The following EYA4 variants were observed in gnomAD, a reference collection of about 807,000 sequenced individuals.
EYA4 encodes the protein protein phosphatase EYA4.
In EYA4, 31 loss-of-function variants were observed where a neutral mutation model predicts 87.9. That is an observed-to-expected ratio of 0.35 (90% confidence interval 0.27 to 0.48). EYA4 has a LOEUF of 0.48. Ranked by LOEUF, EYA4 falls within the 20% of genes least tolerant of loss-of-function variation. The pLI is 0.99. For synonymous variants in EYA4, 263 were observed against 270.6 expected (o/e 0.97, Z 0.28); for missense variants, 678 against 761.4 (o/e 0.89, Z 1.29).
At chr6:133,408,051 A>G (rs776699114) in intron 3 of EYA4, among the ~76,000 whole-genome samples, 1 of 152,254 alleles carries the variant, frequency 6.6e-6, no homozygotes, top group Admixed American at 6.5e-5. Flanking sequence ...TTCCTGAACT[A>G]TAATACATAT....
chr6:133,383,205 G>T (rs981326643), intron 3 of EYA4, among the ~76,000 whole-genome samples: 1 of 152,142 alleles, frequency 6.6e-6, no homozygotes, highest in African/African-American at 2.4e-5. Flanking sequence ...ACTTGCTCCC[G>T]CATATAGTGC....
chr6:133,482,356 C>A (rs371454197), intron 12 of EYA4, among the ~76,000 whole-genome samples: 2 of 152,136 alleles, frequency 1.3e-5, no homozygotes, highest in Admixed American at 1.3e-4. Context: ...AATGAGTGAC[C>A]GGGCTGAGTT....
intron 2 of EYA4, among the ~76,000 whole-genome samples, chr6:133,294,339 TTCTG>T (rs1158525795): frequency 6.6e-6 from 1 of 150,488 alleles, no homozygotes; most frequent in Non-Finnish European, 1.5e-5. Context: ...CTCTTGCTCT[TTCTG>T]TTTTTTTTTT....
chr6:133,481,733 T>C, intron 12 of EYA4, 134 bp downstream of exon 12: 1 of 943,658 alleles, frequency 1.1e-6, no homozygotes, highest in Non-Finnish European at 1.7e-6. Flanking sequence ...AACTACTTTG[T>C]GATAGGCATT....
chr6:133,249,710 A>T (rs1774730219), intron 1 of EYA4, among the ~76,000 whole-genome samples: 1 of 152,240 alleles, frequency 6.6e-6, no homozygotes, highest in East Asian at 1.9e-4. Flanking sequence ...CCCTGCAAAT[A>T]TCTTTTCTAC....
At chr6:133,356,982 G>A (rs1784100127) in intron 2 of EYA4, among the ~76,000 whole-genome samples, 2 of 151,706 alleles carry the variant, frequency 1.3e-5, no homozygotes, top group Admixed American at 6.6e-5. Flanking sequence ...TTATAAAAGA[G>A]CAGAAAAGGC....
intron 3 of EYA4, among the ~76,000 whole-genome samples, chr6:133,417,647 G>A (rs535495875): frequency 5.8e-4 from 84 of 145,802 alleles, no homozygotes; most frequent in Non-Finnish European, 7.7e-4. Context: ...GATACACTCT[G>A]TATTGGATAT....
At chr6:133,322,601 T>A (rs1377744542) in intron 2 of EYA4, among the ~76,000 whole-genome samples, 1 of 152,150 alleles carries the variant, frequency 6.6e-6, no homozygotes, top group Non-Finnish European at 1.5e-5. Context: ...TTACATCTCA[T>A]AGTAGCTGGG....
intron 14 of EYA4, among the ~76,000 whole-genome samples, chr6:133,509,827 T>C (rs7748259): frequency 0.058 from 6,047 of 104,748 alleles, 435 homozygotes; most frequent in African/African-American, 0.15. Flanking sequence ...AGCCAAAACA[T>C]TACAGTGTTT....
rs1292491373 is a variant in EYA4, at chr6:133,531,147, G to C, written c.*2342G>C. The C allele has an allele frequency of 6.5e-7, 1 of 1,531,062 alleles. No individual in the cohort carries two copies. Among genetic ancestry groups the C allele is most frequent in the Non-Finnish European group, 8.7e-7 (1 of 1,144,266 alleles). The allele number at this position is 1,531,062 out of a possible 1,614,324, so 94.8% of individuals were successfully genotyped here. On this transcript the variant is annotated 3_prime_UTR_variant, in exon 20 of 20. Coordinates refer to ENST00000355286, the MANE Select transcript of EYA4 (RefSeq NM_004100.5). ...CCCCTTGGAAGGGCAAAGAGAAGCCGGCTGGTTGCATCACCCCGTGCAGTT... is the reference window on the plus strand; with the variant it reads ...CCCCTTGGAAGGGCAAAGAGAAGCCCGCTGGTTGCATCACCCCGTGCAGTT...
intron 2 of EYA4, among the ~76,000 whole-genome samples, chr6:133,301,070 G>C (rs1450617718): frequency 6.6e-6 from 1 of 152,204 alleles, no homozygotes; most frequent in Non-Finnish European, 1.5e-5. Context: ...CACTTTGACT[G>C]TAATGAGACT....
intron 3 of EYA4, among the ~76,000 whole-genome samples, chr6:133,393,006 G>A (rs1241607664): frequency 6.6e-6 from 1 of 152,142 alleles, no homozygotes; most frequent in African/African-American, 2.4e-5. Flanking sequence ...GACCTAAGGA[G>A]CTAGGACAAG....
intron 2 of EYA4, among the ~76,000 whole-genome samples, chr6:133,322,650 CAGT>C (rs1781182341): frequency 6.6e-6 from 1 of 152,082 alleles, no homozygotes; most frequent in Non-Finnish European, 1.5e-5. Context: ...AGAATGTCAG[CAGT>C]AGGAGTTAAT....
intron 3 of EYA4, among the ~76,000 whole-genome samples, chr6:133,394,785 A>G (rs1245620801): frequency 6.6e-6 from 1 of 152,248 alleles, no homozygotes; most frequent in African/African-American, 2.4e-5. Context: ...GTGACAGTCT[A>G]ATGACAAAAA....
chr6:133,356,337 T>G (rs1221521677), intron 2 of EYA4, among the ~76,000 whole-genome samples: 5 of 152,200 alleles, frequency 3.3e-5, no homozygotes, highest in Non-Finnish European at 5.9e-5. Context: ...TTATAGTTTT[T>G]CACTCAAATG....
intron 17 of EYA4, among the ~76,000 whole-genome samples, chr6:133,519,269 AAGAG>A (rs1281935324): frequency 3.3e-5 from 5 of 151,064 alleles, no homozygotes; most frequent in African/African-American, 9.7e-5. Context: ...TAAAGAAAAA[AAGAG>A]AGAAGAATCA....
At chr6:133,388,324 T>C (rs1287605495) in intron 3 of EYA4, among the ~76,000 whole-genome samples, 1 of 151,700 alleles carries the variant, frequency 6.6e-6, no homozygotes, top group Non-Finnish European at 1.5e-5. Flanking sequence ...CGAGAATCGC[T>C]TGAACCTGGG....
At chr6:133,496,328 A>T (rs964546665) in intron 13 of EYA4, among the ~76,000 whole-genome samples, 1 of 152,216 alleles carries the variant, frequency 6.6e-6, no homozygotes, top group Non-Finnish European at 1.5e-5. Flanking sequence ...GTTAGAGTGT[A>T]ACAACATTTT....
At chr6:133,447,476 T>C (rs990845572) in intron 4 of EYA4, among the ~76,000 whole-genome samples, 4 of 152,214 alleles carry the variant, frequency 2.6e-5, no homozygotes, top group African/African-American at 9.6e-5. Context: ...ATATAGACTG[T>C]ATTTTAAATT....
Sources: gnomAD v4.1 joint callset for allele counts (sites outside exome capture counted in the v4.1 genomes callset) on GRCh38, gnomAD v4.1.1 for gene constraint, MANE v1.5 for transcripts, NCBI Gene and HGNC (gene_info 2026-07-23, HGNC 2026-07-21) for gene names.